Variants in SLC25A26 observed in about 807,000 individuals in gnomAD.
The protein encoded by SLC25A26 is solute carrier family 25 member 26.
A neutral mutation model predicts 37.8 loss-of-function variants in SLC25A26; 36 were observed. That is an observed-to-expected ratio of 0.95 (90% CI 0.73 to 1.26). The LOEUF (loss-of-function observed/expected upper bound fraction) is 1.26. Among genes scored for constraint, SLC25A26 ranks in the 50% most tolerant of loss-of-function variants. The pLI, the probability that SLC25A26 is intolerant of heterozygous loss-of-function variation, is 0.00. For missense variants in SLC25A26, 390 were observed against 331.1 expected (o/e 1.18, Z -1.38); for synonymous variants, 129 against 122.5 (o/e 1.05, Z -0.35).
rs535215267 is a variant in SLC25A26 at position 66,352,413 on chromosome 3, C to T, written c.498+6005C>T. On this transcript the variant is annotated intron_variant, in intron 6 of 9. Coordinates refer to ENST00000354883, the MANE Select transcript of SLC25A26 (RefSeq NM_001379210.1). ...CGCTGACTGTGCTGCTGCCTAGCGC[C>T]TCCCCTCGTTTTTTGTTTTTTGTTT... 6.7e-5 allele frequency among the ~76,000 whole-genome samples: 10 copies of T among 150,046 alleles called. No homozygotes were observed. In the East Asian group the frequency reaches 1.8e-3, roughly 27 times the overall value.
chr3:66,167,762 C>G (rs765352871), intron 1 of SLC25A26, among the ~76,000 whole-genome samples: 2 of 152,102 alleles, frequency 1.3e-5, no homozygotes, highest in Non-Finnish European at 2.9e-5. Context: ...TTTTCTTTCC[C>G]TTGACATTAA....
intron 1 of SLC25A26, among the ~76,000 whole-genome samples, chr3:66,196,989 G>A (rs968391169): frequency 6.6e-6 from 1 of 152,056 alleles, no homozygotes; most frequent in Admixed American, 6.6e-5. Flanking sequence ...ATAAATAAGG[G>A]TCAGTTAAAA....
intron 5 of SLC25A26, among the ~76,000 whole-genome samples, chr3:66,287,172 T>C (rs1364245424): frequency 6.6e-6 from 1 of 151,988 alleles, no homozygotes; most frequent in Admixed American, 6.6e-5. Context: ...GGCAGGCGCC[T>C]GTAGTCCCAG....
At chr3:66,220,677 C>G (rs969771603), upstream of SLC25A26, 3 of 200,406 alleles carry the variant, frequency 1.5e-5, no homozygotes, top group Non-Finnish European at 3.0e-5. Flanking sequence ...TCGCGCCTCC[C>G]GAGGTTAGTA....
chr3:66,231,116 A>C (rs942762275), intron 1 of SLC25A26, among the ~76,000 whole-genome samples: 1 of 152,216 alleles, frequency 6.6e-6, no homozygotes, highest in Non-Finnish European at 1.5e-5. Context: ...CAGAGGTTGC[A>C]TTGAGCTGAG....
At chr3:66,274,680 G>C (rs2107385104) in intron 5 of SLC25A26, among the ~76,000 whole-genome samples, 1 of 152,294 alleles carries the variant, frequency 6.6e-6, no homozygotes, top group African/African-American at 2.4e-5. Context: ...TCAGATAAAT[G>C]CAAATCAAAA....
At chr3:66,245,926 T>A (rs1403407983) in intron 3 of SLC25A26, among the ~76,000 whole-genome samples, 2 of 152,124 alleles carry the variant, frequency 1.3e-5, no homozygotes, top group African/African-American at 2.4e-5. Flanking sequence ...AAAACATCTC[T>A]CCCCAAAGGA....
At chr3:66,232,329 C>A (rs2072072910) in intron 1 of SLC25A26, among the ~76,000 whole-genome samples, 1 of 151,884 alleles carries the variant, frequency 6.6e-6, no homozygotes, top group Non-Finnish European at 1.5e-5. Context: ...TTGGGAATTG[C>A]CTGGTCCTGT....
chr3:66,319,931 G>A (rs1013712927), intron 5 of SLC25A26, among the ~76,000 whole-genome samples: 3 of 151,622 alleles, frequency 2.0e-5, no homozygotes, highest in Non-Finnish European at 4.4e-5. Flanking sequence ...TTTTTTAGTA[G>A]AGACGGAGTT....
At chr3:66,283,934 G>A (rs190676231) in intron 5 of SLC25A26, among the ~76,000 whole-genome samples, 8 of 152,172 alleles carry the variant, frequency 5.3e-5, no homozygotes, top group East Asian at 3.9e-4. Flanking sequence ...TTTGTTGACC[G>A]TTTTGAATTT....
intron 5 of SLC25A26, among the ~76,000 whole-genome samples, chr3:66,310,568 G>A (rs2075349519): frequency 6.6e-6 from 1 of 152,174 alleles, no homozygotes; most frequent in Non-Finnish European, 1.5e-5. Flanking sequence ...CACATTAGTT[G>A]ATGCAGTTTC....
chr3:66,328,892 C>G (rs1490417774), intron 5 of SLC25A26, among the ~76,000 whole-genome samples: 1 of 152,098 alleles, frequency 6.6e-6, no homozygotes, highest in Non-Finnish European at 1.5e-5. Context: ...AAAAATTACC[C>G]TCTTAGCAGG....
At chr3:66,172,895 A>G (rs2106735883) in intron 1 of SLC25A26, among the ~76,000 whole-genome samples, 1 of 152,264 alleles carries the variant, frequency 6.6e-6, no homozygotes, top group South Asian at 2.1e-4. Context: ...GGCCCACCCT[A>G]GGCACCTCAT....
intron 6 of SLC25A26, among the ~76,000 whole-genome samples, chr3:66,356,877 C>T (rs536115879): frequency 1.1e-4 from 17 of 152,218 alleles, no homozygotes; most frequent in African/African-American, 4.1e-4. Flanking sequence ...GATCCTCCCA[C>T]CTCAGACTCC....
At chr3:66,320,959 A>G (rs374603524) in intron 5 of SLC25A26, among the ~76,000 whole-genome samples, 18 of 152,284 alleles carry the variant, frequency 1.2e-4, no homozygotes, top group African/African-American at 4.1e-4. Context: ...AAATTCTTAC[A>G]TTGAAGTTCC....
chr3:66,308,003 G>A (rs1281691754), intron 5 of SLC25A26, among the ~76,000 whole-genome samples: 1 of 152,140 alleles, frequency 6.6e-6, no homozygotes, highest in Non-Finnish European at 1.5e-5. Flanking sequence ...GGTTCCATAT[G>A]AAATTTAAAG....
Position 66,180,228 on chromosome 3 carries a change from C to A in SLC25A26, c.-353-40514C>A, listed in dbSNP as rs1367693744. 5.3e-5 allele frequency among the ~76,000 whole-genome samples: 8 copies of A among 152,284 alleles called. 1 individual carries two copies. The East Asian group carries it at 1.4e-3, about 26-fold the overall frequency. On this transcript the variant is annotated intron_variant, in intron 1 of 10. Transcript: ENST00000676754. The stretch of plus-strand genomic sequence containing the variant: ...ACAGAAAACACTACGGGGATACAAC[C>A]ACAATTTATTTTCCTCTGAGGCTTT...
At chr3:66,354,091 T>C (rs1462259002) in intron 6 of SLC25A26, among the ~76,000 whole-genome samples, 2 of 152,216 alleles carry the variant, frequency 1.3e-5, no homozygotes, top group Non-Finnish European at 2.9e-5. Flanking sequence ...GATCTTTTCT[T>C]ATCAAGCTTT....
chr3:66,320,890 A>G (rs1178482723), intron 5 of SLC25A26, among the ~76,000 whole-genome samples: 1 of 152,238 alleles, frequency 6.6e-6, no homozygotes, highest in Non-Finnish European at 1.5e-5. Flanking sequence ...GTTTTAAAAA[A>G]TTGTCATATT....
Sources: allele counts gnomAD v4.1 joint callset (sites outside exome capture counted in the v4.1 genomes callset), GRCh38; gene constraint gnomAD v4.1.1; transcripts MANE v1.5; gene names NCBI Gene and HGNC (gene_info 2026-07-23, HGNC 2026-07-21).